UNG: variants seen among roughly 807,000 people sequenced by gnomAD.
UNG encodes the protein uracil DNA glycosylase.
Under a neutral mutation model 36.5 loss-of-function variants are expected in UNG, and 34 were observed. That is an observed-to-expected ratio of 0.93 (90% CI 0.71 to 1.24). UNG has a LOEUF of 1.24. Ranked by LOEUF, UNG falls within the 50% of genes most tolerant of loss-of-function variation. The pLI is 0.00. For missense variants in UNG, 391 were observed against 397.6 expected (o/e 0.98, Z 0.14); for synonymous variants, 172 against 157.8 (o/e 1.09, Z -0.67).
At chr12:109,109,250 C>G (rs2135894023) in intron 6 of UNG, among the ~76,000 whole-genome samples, 1 of 152,232 alleles carries the variant, frequency 6.6e-6, no homozygotes, top group South Asian at 2.1e-4. Flanking sequence ...GTGGAAATTG[C>G]TGGCAGTATG....
rs201146665 is a variant in UNG at position 109,103,520 on chromosome 12, C to T, written c.710C>T (p.Ala237Val). The T allele has an allele frequency of 5.6e-6, 9 of 1,614,088 alleles. No individual in the cohort carries two copies. In the East Asian group the frequency reaches 1.8e-4, roughly 32 times the overall value. ...KERGWEQFTD[A>V]VVSWLNQNSN... is the part of the protein sequence containing the mutation. ...CGAGGCTGGGAGCAGTTCACTGATG[C>T]AGTTGTGTCCTGGCTAAATCAGAAC... The change falls in exon 6 of 7, where the codon GCA becomes GTA. Residue 237 changes from alanine to valine, a missense_variant. Ala to Val is a moderately conservative substitution (Grantham distance 64). Transcript: ENST00000242576.
At chr12:109,107,720 T>C (rs1447770743) in intron 6 of UNG, among the ~76,000 whole-genome samples, 4 of 151,482 alleles carry the variant, frequency 2.6e-5, no homozygotes. Context: ...AGACGGAGTT[T>C]CTTCATGTTG....
chr12:109,097,645 G>C lies in UNG; in HGVS notation c.-35G>C, dbSNP rs372914375. 5 of 1,598,202 alleles carry C rather than the reference G, an allele frequency of 3.1e-6. No homozygotes were observed. The East Asian group carries it at 1.1e-4, about 36-fold the overall frequency. ...GCCAGGGCTAGCCTCGCCGGTTCCC[G>C]GGTGGCGCGCGTTCGCTGCCTCCTC... On this transcript the variant is annotated 5_prime_UTR_variant, in exon 1 of 7. Transcript: ENST00000242576.
At chr12:109,104,880 C>T (rs2042204714) in intron 6 of UNG, among the ~76,000 whole-genome samples, 1 of 152,070 alleles carries the variant, frequency 6.6e-6, no homozygotes, top group African/African-American at 2.4e-5. Context: ...GAAATGTGCA[C>T]GTATATTTAA....
chr12:109,100,445 T>TGACATAG (rs1414035970), intron 3 of UNG, among the ~76,000 whole-genome samples: 1 of 152,214 alleles, frequency 6.6e-6, no homozygotes, highest in Non-Finnish European at 1.5e-5. Flanking sequence ...AATAGGTGAA[T>TGACATAG]AAATCATCTT....
chr12:109,109,683 T>A, intron 6 of UNG, 146 bp from the exon 7 acceptor site: 1 of 969,022 alleles, frequency 1.0e-6, no homozygotes, highest in South Asian at 1.5e-5. Flanking sequence ...CTTGGGAAGC[T>A]GAGGCAGGAG....
intron 6 of UNG, among the ~76,000 whole-genome samples, chr12:109,106,888 TACAC>T (rs1392028712): frequency 9.0e-5 from 10 of 110,848 alleles, no homozygotes; most frequent in African/African-American, 4.4e-4. Flanking sequence ...TATATATATA[TACAC>T]ATATATATAT....
At chr12:109,106,916 T>TATATATATATAC (rs1491420686) in intron 6 of UNG, among the ~76,000 whole-genome samples, 22 of 40,148 alleles carry the variant, frequency 5.5e-4, no homozygotes, top group South Asian at 2.5e-3. Context: ...TATATATATA[T>TATATATATATAC]GTGTATATAT....
intron 6 of UNG, 97 bp downstream of exon 6, chr12:109,103,708 A>G: frequency 7.5e-7 from 1 of 1,326,506 alleles, no homozygotes; most frequent in Non-Finnish European, 1.0e-6. Flanking sequence ...GGTCCTGGAA[A>G]ATCCATGTTA....
chr12:109,099,494 C>T (rs377657223), intron 3 of UNG: 26 of 584,346 alleles, frequency 4.4e-5, no homozygotes, highest in South Asian at 3.3e-4. Flanking sequence ...AAACTATGTA[C>T]ATCCTGTGCT....
At chr12:109,108,496 G>A (rs1186082963) in intron 6 of UNG, among the ~76,000 whole-genome samples, 1 of 152,140 alleles carries the variant, frequency 6.6e-6, no homozygotes, top group Non-Finnish European at 1.5e-5. Flanking sequence ...GCCTGGTGTA[G>A]TGGCACGCAC....
At chr12:109,097,857 G>A in intron 1 of UNG, 46 bp downstream of exon 1, 1 of 1,480,678 alleles carries the variant, frequency 6.8e-7, no homozygotes, top group South Asian at 1.3e-5. Context: ...GGGGGAGGAA[G>A]GCGGTGGGCC....
intron 3 of UNG, among the ~76,000 whole-genome samples, chr12:109,101,472 G>A (rs3219227): frequency 0.025 from 3,752 of 152,026 alleles, 55 homozygotes; most frequent in African/African-American, 0.039. Flanking sequence ...TTGGGAGGCC[G>A]AGGAGGGAGG....
Position 109,109,807 on chromosome 12 carries a change from A to G in UNG, c.802-22A>G, listed in dbSNP as rs3219272. On this transcript the variant is annotated intron_variant, in intron 6 of 6. Coordinates refer to ENST00000242576, the MANE Select transcript of UNG (RefSeq NM_080911.3). Reference sequence around the variant, plus strand: ...TTTAAAAAGTCCCAAATCTGCCACCATTTATTCTTGATCTTTTTCAGAAGC... The same window carrying G: ...TTTAAAAAGTCCCAAATCTGCCACCGTTTATTCTTGATCTTTTTCAGAAGC... 1.6e-4 allele frequency: 265 copies of G among 1,611,632 alleles called. 2 individuals carry two copies. In the South Asian group the frequency reaches 2.7e-3, roughly 17 times the overall value.
At chr12:109,098,276 G>T in intron 1 of UNG, 156 bp from the exon 2 acceptor site, 2 of 1,538,894 alleles carry the variant, frequency 1.3e-6, no homozygotes, top group Non-Finnish European at 1.7e-6. Flanking sequence ...TCCCGGACCG[G>T]GCCCAGCCCT....
At chr12:109,106,895 ATATATATACG>A (rs2042220142) in intron 6 of UNG, among the ~76,000 whole-genome samples, 1 of 102,386 alleles carries the variant, frequency 9.8e-6, no homozygotes, top group African/African-American at 4.6e-5. Flanking sequence ...ATATACACAT[ATATATATACG>A]TATATATATA....
intron 3 of UNG, among the ~76,000 whole-genome samples, chr12:109,099,595 G>C (rs572149968): frequency 6.7e-6 from 1 of 149,504 alleles, no homozygotes; most frequent in South Asian, 2.1e-4. Flanking sequence ...GACACACAAA[G>C]CAGTTAAATC....
intron 2 of UNG, 54 bp downstream of exon 2, chr12:109,098,692 TTTGTC>T (rs2042153848): frequency 6.2e-6 from 10 of 1,610,502 alleles, no homozygotes; most frequent in African/African-American, 4.0e-5. Context: ...TGCCGGCCCT[TTTGTC>T]TTGTTAGTGT....
chr12:109,099,099 TC>T, intron 2 of UNG, 89 bp from the exon 3 acceptor site: 1 of 1,240,814 alleles, frequency 8.1e-7, no homozygotes, highest in Non-Finnish European at 1.2e-6. Context: ...CTAATGATGT[TC>T]CAAATAACTT....
Sources: allele counts gnomAD v4.1 joint callset (sites outside exome capture counted in the v4.1 genomes callset), GRCh38; gene constraint gnomAD v4.1.1; transcripts MANE v1.5; gene names NCBI Gene and HGNC (gene_info 2026-07-23, HGNC 2026-07-21).